The following REV3L variants were observed in gnomAD, a reference collection of about 807,000 sequenced individuals.
REV3L encodes DNA polymerase zeta catalytic subunit.
A neutral mutation model predicts 299.4 loss-of-function variants in REV3L; 69 were observed. The observed-to-expected ratio is 0.23, with a 90% confidence interval of 0.19 to 0.28. The LOEUF (loss-of-function observed/expected upper bound fraction) is 0.28, where lower values mean the gene tolerates loss of function less well. REV3L is among the 10% of genes least tolerant of loss of function. REV3L has a pLI of 1.00. For synonymous variants in REV3L, 1,238 were observed against 1,271.4 expected, an observed-to-expected ratio of 0.97 and a Z score of 0.56; for missense variants, 3,128 against 3,693.8, an observed-to-expected ratio of 0.85 and a Z score of 3.97.
chr6:111,342,622 T>C (rs1047545062), intron 21 of REV3L, among the ~76,000 whole-genome samples: 6 of 150,252 alleles, frequency 4.0e-5, no homozygotes, highest in African/African-American at 9.8e-5. Context: ...GAGCAGAGAC[T>C]GTGCCACTGC....
At chr6:111,355,676 A>G (rs1778014899) in intron 18 of REV3L, among the ~76,000 whole-genome samples, 1 of 152,184 alleles carries the variant, frequency 6.6e-6, no homozygotes, top group Non-Finnish European at 1.5e-5. Context: ...ATACCCAACA[A>G]GGAAAAGGCA....
intron 1 of REV3L, among the ~76,000 whole-genome samples, chr6:111,459,074 CAAA>C (rs1338402463): frequency 6.6e-6 from 1 of 151,942 alleles, no homozygotes; most frequent in Admixed American, 6.6e-5. Flanking sequence ...AGTACTGGTA[CAAA>C]AAGAGATACA....
Position 111,349,168 on chromosome 6 carries a change from T to C in REV3L, c.7419+50A>G, listed in dbSNP as rs199757630. On this transcript the variant is annotated intron_variant, in intron 20 of 31. Coordinates refer to ENST00000368802, the MANE Select transcript of REV3L (RefSeq NM_001372078.1). ...ATACTCTATAATGATTAAATCATTA[T>C]ATTGACCGAATATCTTATTTCTAAA... The C allele has an allele frequency of 2.4e-4, 230 of 940,168 alleles. 1 individual carries two copies. The South Asian group carries it at 2.9e-3, about 12-fold the overall frequency. The allele number at this position is 940,168 out of a possible 1,614,324, so 58.2% of individuals were successfully genotyped here. A position where few individuals can be genotyped will look rare whatever the true frequency, so the allele number is the denominator to read the frequency against.
chr6:111,422,074 T>C (rs1785423556), intron 1 of REV3L, among the ~76,000 whole-genome samples: 2 of 152,200 alleles, frequency 1.3e-5, no homozygotes, highest in African/African-American at 2.4e-5. Context: ...ATTTTCAGAA[T>C]TTATCTTACA....
chr6:111,422,628 A>G (rs1562287236), intron 1 of REV3L, among the ~76,000 whole-genome samples: 2 of 26,482 alleles, frequency 7.6e-5, no homozygotes, highest in African/African-American at 1.6e-4. Context: ...ATATATATAT[A>G]TACACATATA....
At chr6:111,412,890 C>A (rs547103778) in intron 2 of REV3L, among the ~76,000 whole-genome samples, 7 of 152,164 alleles carry the variant, frequency 4.6e-5, no homozygotes, top group African/African-American at 1.7e-4. Context: ...ACATTTCAGA[C>A]CCTCTAACTC....
rs1454802981 is a variant in REV3L at position 111,309,965 on chromosome 6, G to A, written c.8930C>T (p.Thr2977Ile). 6.2e-7 allele frequency: 1 copy of A among 1,613,966 alleles called. No homozygotes were observed. Among genetic ancestry groups the A allele is most frequent in the African/African-American group, 1.3e-5 (1 of 74,902 alleles). ...ATAGTAAGTAGCATTCAGTCTCAGA[G>A]TTGGGTCCTGCAGGACTTCCACTGG... is the stretch of plus-strand genomic sequence containing the variant. ...RRPVEVLQDP[T>I]LRLNATYYIT... Residue 2977 changes from threonine to isoleucine, a missense_variant, in exon 30 of 32, where the codon ACT (threonine) becomes ATT (isoleucine). Physicochemically the swap from Thr to Ile is moderately conservative, Grantham distance 89 (BLOSUM62 -1). This residue lies in a region of REV3L where 294 missense variants were observed against 377.0 expected (regional missense o/e 0.78). Coordinates refer to ENST00000368802, the MANE Select transcript of REV3L (RefSeq NM_001372078.1).
At chr6:111,345,415 T>C (rs1198966146) in intron 20 of REV3L, among the ~76,000 whole-genome samples, 2 of 152,186 alleles carry the variant, frequency 1.3e-5, no homozygotes, top group Non-Finnish European at 2.9e-5. Flanking sequence ...GCACTATATC[T>C]ACTTGAATTT....
chr6:111,445,302 G>A (rs1469972332), intron 1 of REV3L, among the ~76,000 whole-genome samples: 1 of 152,088 alleles, frequency 6.6e-6, no homozygotes, highest in African/African-American at 2.4e-5. Context: ...GGTAACGGGG[G>A]TAAATCATGT....
chr6:111,387,822 G>A lies in REV3L; in HGVS notation c.1039C>T (p.Leu347Phe). The A allele has an allele frequency of 6.2e-7, 1 of 1,613,826 alleles. No homozygotes were observed. Residue 347 changes from leucine to phenylalanine, a missense_variant, in exon 9 of 32, where the codon CTT becomes TTT. Coordinates refer to ENST00000368802, the MANE Select transcript of REV3L (RefSeq NM_001372078.1). ...LHSEVLSPEM[L>F]QCTPANMVEV... ...ACCATATTGGCTGGTGTACACTGAA[G>A]CATTTCAGGAGACAGAACCTCAGAG... is the stretch of plus-strand genomic sequence containing the variant.
chr6:111,386,000 G>A (rs753155476), intron 9 of REV3L, among the ~76,000 whole-genome samples: 26 of 152,236 alleles, frequency 1.7e-4, no homozygotes, highest in African/African-American at 4.1e-4. Flanking sequence ...GTAAAATTGC[G>A]TATGATACAA....
At chr6:111,446,267 T>C (rs1411870434) in intron 1 of REV3L, among the ~76,000 whole-genome samples, 1 of 152,228 alleles carries the variant, frequency 6.6e-6, no homozygotes, top group East Asian at 1.9e-4. Context: ...ATAATCAATA[T>C]GATTCTATTA....
rs564905276 is a variant in REV3L at position 111,464,483 on chromosome 6, T to C, written c.139+18267A>G. Among the ~76,000 whole-genome samples, 30 of 152,248 alleles carry C rather than the reference T, an allele frequency of 2.0e-4. 1 individual carries two copies. Among genetic ancestry groups the C allele is most frequent in the South Asian group, 1.0e-3 (5 of 4,826 alleles). ...TAAAAATGCCAAAGAAAAGAATCTG[T>C]GATAATTTATATTTAGAAACAGAAA... On this transcript the variant is annotated intron_variant, in intron 1 of 31. Transcript: ENST00000368802.
At chr6:111,348,873 T>A (rs1777289640) in intron 20 of REV3L, 1 of 158,408 alleles carries the variant, frequency 6.3e-6, no homozygotes, top group African/African-American at 2.4e-5. Flanking sequence ...CAGGCTGGTC[T>A]GGAACTCCTG....
rs941774698 is a variant in REV3L, at chr6:111,410,408, C to T, written c.404+1072G>A. Among the ~76,000 whole-genome samples the T allele has an allele frequency of 5.7e-4, 86 of 152,082 alleles. 2 individuals are homozygous for T. Among genetic ancestry groups the T allele is most frequent in the Non-Finnish European group, 1.6e-4 (11 of 68,006 alleles). ...ATAGGTTATTTATAAAACACTTAAGCCTCTTTTAATCATGGCTCCCACTCC... is the reference window on the plus strand; with the variant it reads ...ATAGGTTATTTATAAAACACTTAAGTCTCTTTTAATCATGGCTCCCACTCC... On this transcript the variant is annotated intron_variant, in intron 3 of 31. Transcript: ENST00000368802.
rs779260987 is a variant in REV3L, at chr6:111,376,515, C to A, written c.1840G>T (p.Val614Phe). Residue 614 changes from valine to phenylalanine, a missense_variant, in exon 13 of 32, where the codon GTC becomes TTC. By Grantham distance (50) the Val-to-Phe change is conservative. This residue lies in a region of REV3L where 2,409 missense variants were observed against 2,611.8 expected (regional missense o/e 0.92). Transcript: ENST00000368802. ...GTGCTTTCGTTTGTAAAAGAAGTGA[C>A]TGAGTTATCTAGACCTTTTTCTGTA... Reference protein sequence around the residue: ...KNTEKGLDNSVTSFTNESTYS... With the variant: ...KNTEKGLDNSFTSFTNESTYS... The A allele has an allele frequency of 1.9e-6, 3 of 1,612,606 alleles. No individual in the cohort carries two copies. Among genetic ancestry groups the A allele is most frequent in the Non-Finnish European group, 2.5e-6 (3 of 1,179,628 alleles).
chr6:111,435,413 A>G (rs1006810775), intron 1 of REV3L, among the ~76,000 whole-genome samples: 2 of 152,236 alleles, frequency 1.3e-5, no homozygotes, highest in Admixed American at 6.5e-5. Context: ...AGAATATACT[A>G]CAAAGCTATA....
intron 18 of REV3L, among the ~76,000 whole-genome samples, chr6:111,355,492 A>G (rs773882492): frequency 2.0e-5 from 3 of 152,150 alleles, no homozygotes; most frequent in Non-Finnish European, 4.4e-5. Flanking sequence ...TATAAAGAAC[A>G]CTATAGAATT....
At chr6:111,419,997 A>T (rs1290816322) in intron 1 of REV3L, among the ~76,000 whole-genome samples, 3 of 152,062 alleles carry the variant, frequency 2.0e-5, no homozygotes, top group Admixed American at 6.5e-5. Context: ...GGTGCCTGCC[A>T]CCATGCCCGG....
Sources: gnomAD v4.1 joint callset for allele counts (sites outside exome capture counted in the v4.1 genomes callset) on GRCh38, gnomAD v4.1.1 for gene constraint, gnomAD v4.1.1 regional missense constraint, MANE v1.5 for transcripts, NCBI Gene and HGNC (gene_info 2026-07-23, HGNC 2026-07-21) for gene names.